Variants in SDK1 observed in about 807,000 individuals in gnomAD.
The protein encoded by SDK1 is protein sidekick-1.
Under a neutral mutation model 245.5 loss-of-function variants are expected in SDK1, and 157 were observed. The ratio of observed to expected loss-of-function variants is 0.64; its 90% CI spans 0.56 to 0.73. The LOEUF (loss-of-function observed/expected upper bound fraction) is 0.73, where lower values mean the gene tolerates loss of function less well. SDK1 is among the 30% of genes least tolerant of loss of function. SDK1 has a pLI of 0.00. For missense variants in SDK1, 3,583 were observed against 3,002.3 expected (o/e 1.19, Z -4.52); for synonymous variants, 1,647 against 1,278.5 (o/e 1.29, Z -6.15).
chr7:4,132,071 G>A (rs1784865251), intron 27 of SDK1, among the ~76,000 whole-genome samples: 1 of 152,126 alleles, frequency 6.6e-6, no homozygotes, highest in Admixed American at 6.5e-5. Context: ...CATAGTTCGT[G>A]AACCCTGCTT....
chr7:3,457,519 C>G (rs1255449234), intron 1 of SDK1, among the ~76,000 whole-genome samples: 1 of 152,178 alleles, frequency 6.6e-6, no homozygotes, highest in Non-Finnish European at 1.5e-5. Flanking sequence ...TTGGTCATAG[C>G]TGACCCATAC....
chr7:4,180,034 G>A (rs531133737), intron 35 of SDK1, among the ~76,000 whole-genome samples: 8 of 152,048 alleles, frequency 5.3e-5, no homozygotes, highest in South Asian at 2.1e-4. Context: ...CCCTGAGACC[G>A]AGGCAGACGT....
chr7:3,330,901 G>C (rs1780052879), intron 1 of SDK1, among the ~76,000 whole-genome samples: 1 of 151,678 alleles, frequency 6.6e-6, no homozygotes, highest in Non-Finnish European at 1.5e-5. Flanking sequence ...GAGTCCAGGA[G>C]GCTGCAGTAA....
intron 5 of SDK1, among the ~76,000 whole-genome samples, chr7:3,849,111 C>T (rs1224587976): frequency 2.6e-5 from 4 of 152,114 alleles, no homozygotes; most frequent in Non-Finnish European, 4.4e-5. Flanking sequence ...ATTTGCCGTC[C>T]GAACTTTCCC....
At chr7:3,425,269 T>C (rs974124090) in intron 1 of SDK1, among the ~76,000 whole-genome samples, 8 of 152,192 alleles carry the variant, frequency 5.3e-5, no homozygotes, top group Admixed American at 1.3e-4. Flanking sequence ...TTTACACTTT[T>C]ACAGAAGGGA....
chr7:3,323,163 C>G (rs1053245573), intron 1 of SDK1, among the ~76,000 whole-genome samples: 1 of 152,084 alleles, frequency 6.6e-6, no homozygotes, highest in South Asian at 2.1e-4. Context: ...GCCCCCTTCC[C>G]CCACTCGACC....
At chr7:3,588,574 T>G (rs182287063) in intron 1 of SDK1, among the ~76,000 whole-genome samples, 1 of 152,182 alleles carries the variant, frequency 6.6e-6, no homozygotes, top group African/African-American at 2.4e-5. Flanking sequence ...CTAGATTCAT[T>G]GTTGAGGTGA....
intron 4 of SDK1, among the ~76,000 whole-genome samples, chr7:3,780,759 G>C (rs1195891358): frequency 6.6e-6 from 1 of 151,526 alleles, no homozygotes. Context: ...CCACCTCCTG[G>C]CATTTTGGAT....
chr7:4,121,604 G>C (rs185105603), intron 25 of SDK1, among the ~76,000 whole-genome samples: 1 of 152,118 alleles, frequency 6.6e-6, no homozygotes, highest in Non-Finnish European at 1.5e-5. Context: ...CCCAGTATTG[G>C]GTATTTATTT....
At chr7:4,173,187 G>C (rs927847702) in intron 32 of SDK1, among the ~76,000 whole-genome samples, 1 of 152,190 alleles carries the variant, frequency 6.6e-6, no homozygotes, top group African/African-American at 2.4e-5. Flanking sequence ...CCATCTTCTG[G>C]TCACAGCTTA....
intron 1 of SDK1, among the ~76,000 whole-genome samples, chr7:3,604,437 C>T (rs1220617621): frequency 6.6e-6 from 1 of 151,910 alleles, no homozygotes; most frequent in Non-Finnish European, 1.5e-5. Flanking sequence ...TCAGGCTTTC[C>T]CTCTTTCTAA....
At chr7:3,872,038 T>C (rs1780969069) in intron 5 of SDK1, among the ~76,000 whole-genome samples, 2 of 150,640 alleles carry the variant, frequency 1.3e-5, no homozygotes, top group Non-Finnish European at 2.9e-5. Context: ...TTCTTGCATC[T>C]ATTGAGATGA....
intron 4 of SDK1, among the ~76,000 whole-genome samples, chr7:3,780,902 G>C (rs909440640): frequency 2.0e-5 from 3 of 152,094 alleles, no homozygotes; most frequent in Non-Finnish European, 4.4e-5. Context: ...GAAGGGGTTA[G>C]ATCAGCTTTA....
intron 32 of SDK1, among the ~76,000 whole-genome samples, chr7:4,168,940 A>G (rs1272121293): frequency 6.6e-6 from 1 of 152,196 alleles, no homozygotes; most frequent in Non-Finnish European, 1.5e-5. Flanking sequence ...AACAGCAAGG[A>G]CAGGACTCCC....
At chr7:3,700,096 C>G (rs1171110774) in intron 4 of SDK1, among the ~76,000 whole-genome samples, 1 of 152,110 alleles carries the variant, frequency 6.6e-6, no homozygotes, top group Non-Finnish European at 1.5e-5. Context: ...AATTTTAAAG[C>G]TGGTGAAACT....
At chr7:3,833,986 A>G (rs934741961) in intron 5 of SDK1, among the ~76,000 whole-genome samples, 1 of 152,200 alleles carries the variant, frequency 6.6e-6, no homozygotes, top group Non-Finnish European at 1.5e-5. Flanking sequence ...ATGTTACTAC[A>G]GATTTTGAAT....
rs115273196 is a variant in SDK1 at position 3,854,137 on chromosome 7, G to C, written c.847+32554G>C. Among the ~76,000 whole-genome samples, 829 of 152,214 alleles carry C rather than the reference G, an allele frequency of 5.4e-3. 4 individuals carry two copies. The highest frequency in any genetic ancestry group is 0.019 in the African/African-American group (778 of 41,516). On this transcript the variant is annotated intron_variant, in intron 5 of 44. Coordinates refer to ENST00000404826, the MANE Select transcript of SDK1 (RefSeq NM_152744.4). ...CTTCTAGAGACAGGATACTTGAGAA[G>C]GATATTATAGATCTTACTTTCTTAG...
At chr7:3,595,014 A>C (rs563836666) in intron 1 of SDK1, among the ~76,000 whole-genome samples, 30 of 152,318 alleles carry the variant, frequency 2.0e-4, no homozygotes, top group African/African-American at 6.7e-4. Flanking sequence ...GTTTTAATTT[A>C]ACAAAAATGG....
At chr7:4,252,714 T>C (rs1217652058) in intron 44 of SDK1, among the ~76,000 whole-genome samples, 4 of 152,206 alleles carry the variant, frequency 2.6e-5, no homozygotes, top group Non-Finnish European at 5.9e-5. Context: ...ATTAATTCTT[T>C]AAATGTTTGA....
Sources: allele counts gnomAD v4.1 joint callset (sites outside exome capture counted in the v4.1 genomes callset), GRCh38; gene constraint gnomAD v4.1.1; transcripts MANE v1.5; gene names NCBI Gene and HGNC (gene_info 2026-07-23, HGNC 2026-07-21).